ZNF462: variants seen among roughly 807,000 people sequenced by gnomAD.
ZNF462 encodes zinc finger protein 462, also known as zinc finger PBX1-interacting protein.
A neutral mutation model predicts 201.9 loss-of-function variants in ZNF462; 10 were observed. The observed-to-expected ratio is 0.05, with a 90% CI of 0.03 to 0.08. The LOEUF (loss-of-function observed/expected upper bound fraction) is 0.08. Among genes scored for constraint, ZNF462 ranks in the 10% least tolerant of loss-of-function variants. The probability of loss-of-function intolerance (pLI) is 1.00; values close to 1 mark genes in which losing one functional copy is unlikely to be tolerated. For synonymous variants in ZNF462, 1,227 were observed against 1,193.3 expected (o/e 1.03, Z -0.58); for missense variants, 2,523 against 3,168.3 (o/e 0.80, Z 4.89).
rs1014580408 is a variant in ZNF462, at chr9:106,880,060, G to T, written c.-31+16705G>T. On this transcript the variant is annotated intron_variant, in intron 1 of 12. Transcript: ENST00000277225. This position sits in a 1 kb window ranked among gnomAD's most constrained non-coding sequence, Gnocchi z 4.1. ...TAATATCTGAGACTGTGTTCTATATGCATTCAAGGCATGGAGTATTCCAGA... is the reference window on the plus strand; with the variant it reads ...TAATATCTGAGACTGTGTTCTATATTCATTCAAGGCATGGAGTATTCCAGA... 1.3e-5 allele frequency among the ~76,000 whole-genome samples: 2 copies of T among 152,262 alleles called. No individual in the cohort carries two copies. Among genetic ancestry groups the T allele is most frequent in the East Asian group, 3.9e-4 (2 of 5,174 alleles).
chr9:107,010,906 T>C lies in ZNF462; in HGVS notation c.7397T>C (p.Ile2466Thr), dbSNP rs778898267. The C allele has an allele frequency of 2.7e-5, 43 of 1,613,706 alleles. No individual in the cohort carries two copies. The highest frequency in any genetic ancestry group is 3.6e-5 in the Non-Finnish European group (42 of 1,179,878). Reference protein sequence around the residue: ...IMENSVKMPSIEEKEDDEAIG... With the variant: ...IMENSVKMPSTEEKEDDEAIG... ...GAGAACAGTGTTAAAATGCCCTCCA[T>C]AGAGGAAAAGGAAGATGACGAGGCC... Residue 2466 changes from isoleucine (I) to threonine (T), a missense_variant, in exon 13 of 13, where the codon ATA (isoleucine) becomes ACA (threonine). This residue lies in a region of ZNF462 where 67 missense variants were observed against 63.2 expected (regional missense o/e 1.06). Coordinates refer to ENST00000277225, the MANE Select transcript of ZNF462 (RefSeq NM_021224.6). This position sits in a 1 kb window ranked among gnomAD's most constrained non-coding sequence, Gnocchi z 4.6.
At chr9:106,967,968 A>G (rs996420118) in intron 7 of ZNF462, among the ~76,000 whole-genome samples, 1 of 151,362 alleles carries the variant, frequency 6.6e-6, no homozygotes, top group Admixed American at 6.6e-5. Context: ...TTCTATTATC[A>G]TTTGCATCTG....
intron 1 of ZNF462, among the ~76,000 whole-genome samples, chr9:106,914,968 GA>G (rs529609903): frequency 2.7e-3 from 408 of 151,820 alleles, no homozygotes; most frequent in Non-Finnish European, 3.8e-3. Flanking sequence ...ATTTAATCAG[GA>G]AAAAAAATCT....
intron 7 of ZNF462, among the ~76,000 whole-genome samples, chr9:106,955,475 G>A (rs1291043441): frequency 2.6e-5 from 4 of 152,178 alleles, no homozygotes; most frequent in Non-Finnish European, 5.9e-5. Flanking sequence ...TTGCCTTGAT[G>A]TTGGTGGCTG....
chr9:106,928,672 G>A lies in ZNF462; in HGVS notation c.4760G>A (p.Gly1587Asp), dbSNP rs181702461. 6.2e-7 allele frequency: 1 copy of A among 1,614,146 alleles called. No homozygotes were observed. The highest frequency in any genetic ancestry group is 1.3e-5 in the African/African-American group (1 of 75,044). The part of the protein sequence containing the change: ...YRCKLCPYTH[G>D]TLEKLKIHYE... ...TGCAAACTGTGTCCGTACACACACG[G>A]CACTTTGGAGAAACTAAAAATCCAC... Residue 1587 changes from glycine (G) to aspartate (D), a missense_variant, in exon 3 of 13, where the codon GGC becomes GAC. Gly to Asp is a moderately conservative substitution (Grantham distance 94, BLOSUM62 -1). Around this residue, in one of 15 missense-constraint regions of ZNF462, gnomAD observed 200 missense variants for 281.3 expected, o/e 0.71. Transcript: ENST00000277225. This position sits in a 1 kb window ranked among gnomAD's most constrained non-coding sequence, Gnocchi z 9.3.
At chr9:106,991,839 T>TACACACACACAC (rs200978759) in intron 10 of ZNF462, among the ~76,000 whole-genome samples, 11 of 136,260 alleles carry the variant, frequency 8.1e-5, no homozygotes, top group East Asian at 2.1e-4. Context: ...CAGCACTCTC[T>TACACACACACAC]ACACACACAC....
intron 7 of ZNF462, among the ~76,000 whole-genome samples, chr9:106,971,509 G>T (rs1189459612): frequency 6.6e-6 from 1 of 151,158 alleles, no homozygotes; most frequent in Non-Finnish European, 1.5e-5. Context: ...GTTCCTCCCG[G>T]CATGCATTCC....
chr9:106,963,467 T>A lies in ZNF462; in HGVS notation c.6428-8538T>A, dbSNP rs540569634. 6.6e-6 allele frequency among the ~76,000 whole-genome samples: 1 copy of A among 152,200 alleles called. No homozygotes were observed. The highest frequency in any genetic ancestry group is 1.9e-4 in the East Asian group (1 of 5,168). On this transcript the variant is annotated intron_variant, in intron 7 of 12. Coordinates refer to ENST00000277225, the MANE Select transcript of ZNF462 (RefSeq NM_021224.6). The surrounding 1 kb of genome is among the most constrained non-coding windows in gnomAD (Gnocchi z 4.7). ...TCAGCGAAAAAGACAGCATGAACCC[T>A]TGCTCCTGTGGAGCTGACATTACCT... is the stretch of plus-strand genomic sequence containing the variant.
At chr9:106,956,208 C>T (rs1831567153) in intron 7 of ZNF462, among the ~76,000 whole-genome samples, 1 of 152,148 alleles carries the variant, frequency 6.6e-6, no homozygotes. Context: ...GAAATTACTC[C>T]TTGATCCATG....
rs372583802 is a variant in ZNF462 at position 106,933,718 on chromosome 9, CAAA to C, written c.6116+1170_6116+1172del. On this transcript the variant is annotated intron_variant, in intron 5 of 12. Transcript: ENST00000277225. This position sits in a 1 kb window ranked among gnomAD's most constrained non-coding sequence, Gnocchi z 4.3. ...ATATCAGTAAAATACTATGATGTGT[CAAA>C]GAAGAGAAATGTTACATCAGCTTTG... Among the ~76,000 whole-genome samples, 88 of 152,060 alleles carry C rather than the reference CAAA, an allele frequency of 5.8e-4. No homozygotes were observed. Among genetic ancestry groups the C allele is most frequent in the African/African-American group, 2.0e-3 (84 of 41,448 alleles).
In ZNF462 at chr9:106,935,742, TG is replaced by T. The variant is rs1830605283; in HGVS notation, c.6235+122del. The stretch of plus-strand genomic sequence containing the variant: ...TTGAGAATGTTATTCTTGGGATGGA[TG>T]TATATTCAGTTTTATTTTTACCTAG... On this transcript the variant is annotated intron_variant, in intron 6 of 12. Transcript: ENST00000277225. The surrounding 1 kb of genome is among the most constrained non-coding windows in gnomAD (Gnocchi z 4.1). 5.6e-6 allele frequency: 4 copies of T among 711,644 alleles called. No homozygotes were observed. In the African/African-American group the frequency reaches 7.1e-5, roughly 13 times the overall value. The allele number at this position is 711,644 out of a possible 1,614,324, so 44.1% of individuals were successfully genotyped here. A position where few individuals can be genotyped will look rare whatever the true frequency, so the allele number is the denominator to read the frequency against.
At chr9:106,992,453 C>T (rs1168967656) in intron 10 of ZNF462, among the ~76,000 whole-genome samples, 1 of 152,004 alleles carries the variant, frequency 6.6e-6, no homozygotes, top group Non-Finnish European at 1.5e-5. Flanking sequence ...ATAAGTTAAA[C>T]GTACACTTGC....
At chr9:106,900,995 T>C (rs1235049854) in intron 1 of ZNF462, among the ~76,000 whole-genome samples, 1 of 152,232 alleles carries the variant, frequency 6.6e-6, no homozygotes, top group Non-Finnish European at 1.5e-5. Context: ...TCCAATGTTA[T>C]CTTCTAAAAT....
rs1564102036 is a variant in ZNF462 at position 106,924,500 on chromosome 9, A to ACCTGCT, written c.597_602dup (p.Ala200_Pro201dup). ...ATTTGAAGGAGACCACTGCTCCCCC[A>ACCTGCT]CCTGCTCCTGCTCCAATGCCAGACC... On this transcript the variant is annotated inframe_insertion, in exon 3 of 13. Coordinates refer to ENST00000277225, the MANE Select transcript of ZNF462 (RefSeq NM_021224.6). The surrounding 1 kb of genome is among the most constrained non-coding windows in gnomAD (Gnocchi z 6.2). 4 of 1,614,126 alleles carry ACCTGCT rather than the reference A, an allele frequency of 2.5e-6. No individual in the cohort carries two copies. The highest frequency in any genetic ancestry group is 4.5e-5 in the East Asian group (2 of 44,876).
intron 7 of ZNF462, among the ~76,000 whole-genome samples, chr9:106,960,438 G>A (rs530938287): frequency 2.8e-4 from 42 of 151,962 alleles, no homozygotes; most frequent in Non-Finnish European, 5.1e-4. Flanking sequence ...AGCTCTCTAC[G>A]GTTGAGGCCA....
chr9:106,906,411 G>A (rs1829277641), intron 1 of ZNF462, among the ~76,000 whole-genome samples: 1 of 152,144 alleles, frequency 6.6e-6, no homozygotes, highest in African/African-American at 2.4e-5. Context: ...CCCTTCTGCC[G>A]TGATAACAGA....
At position 106,935,435 on chromosome 9, in the gene ZNF462, CAATGAGCA is replaced by C; in HGVS notation, c.6117-64_6117-57del. On this transcript the variant is annotated intron_variant, in intron 5 of 12. Transcript: ENST00000277225. This position sits in a 1 kb window ranked among gnomAD's most constrained non-coding sequence, Gnocchi z 4.1. ...AGAAGTAGGATTCCTGGAAAAAAAGCAATGAGCAAATCCTCTATGCAATTTTTAATTTT... is the reference window on the plus strand; with the variant it reads ...AGAAGTAGGATTCCTGGAAAAAAAGCAATCCTCTATGCAATTTTTAATTTT... The C allele has an allele frequency of 7.1e-7, 1 of 1,410,202 alleles. No individual in the cohort carries two copies. Among genetic ancestry groups the C allele is most frequent in the Middle Eastern group, 1.8e-4 (1 of 5,626 alleles). 87.4% of individuals were successfully genotyped at this position (1,410,202 alleles called of 1,614,324 possible).
Position 106,925,666 on chromosome 9 carries a change from C to T in ZNF462, c.1754C>T (p.Thr585Met), listed in dbSNP as rs745760296. Residue 585 changes from threonine to methionine, a missense_variant, in exon 3 of 13, where the codon ACG becomes ATG. This residue lies in a region of ZNF462 where 383 missense variants were observed against 453.4 expected (regional missense o/e 0.84). Coordinates refer to ENST00000277225, the MANE Select transcript of ZNF462 (RefSeq NM_021224.6). The surrounding 1 kb of genome is among the most constrained non-coding windows in gnomAD (Gnocchi z 7.9). ...PPQPQTQPPP[T>M]QQPQPPTQAA... Reference sequence around the variant, plus strand: ...CAGCCACAAACACAGCCACCACCAACGCAGCAGCCACAGCCACCCACACAA... The same window carrying T: ...CAGCCACAAACACAGCCACCACCAATGCAGCAGCCACAGCCACCCACACAA... 3.5e-5 allele frequency: 57 copies of T among 1,614,050 alleles called. 1 individual carries two copies. The highest frequency in any genetic ancestry group is 2.0e-4 in the East Asian group (9 of 44,870).
intron 1 of ZNF462, among the ~76,000 whole-genome samples, chr9:106,864,043 T>G (rs140614785): frequency 0.14 from 4,164 of 28,962 alleles, 46 homozygotes; most frequent in South Asian, 0.2. Flanking sequence ...TATTTGGCTC[T>G]CTCTCTCTCT....
Sources: allele counts gnomAD v4.1 joint callset (sites outside exome capture counted in the v4.1 genomes callset), GRCh38; gene constraint gnomAD v4.1.1; regional missense constraint gnomAD v4.1.1; non-coding constraint Gnocchi (gnomAD v3.1); transcripts MANE v1.5; gene names NCBI Gene and HGNC (gene_info 2026-07-23, HGNC 2026-07-21).